Variants in EIF3M observed in about 807,000 individuals in gnomAD.
EIF3M encodes the protein eukaryotic translation initiation factor 3 subunit M.
EIF3M carries 25 observed loss-of-function variants against 49.7 expected under a neutral mutation model. That is an observed-to-expected ratio of 0.50 (90% CI 0.37 to 0.70). The LOEUF (loss-of-function observed/expected upper bound fraction) is 0.70, where lower values mean the gene tolerates loss of function less well. EIF3M is among the 30% of genes least tolerant of loss of function. The pLI is 0.00. For synonymous variants in EIF3M, 156 were observed against 149.8 expected, an observed-to-expected ratio of 1.04 and a Z score of -0.30; for missense variants, 350 against 440.0, an observed-to-expected ratio of 0.80 and a Z score of 1.83.
At chr11:32,598,728 T>C (rs1855215849) in intron 8 of EIF3M, among the ~76,000 whole-genome samples, 1 of 152,058 alleles carries the variant, frequency 6.6e-6, no homozygotes, top group Non-Finnish European at 1.5e-5. Context: ...AGCAGTAAAA[T>C]AGATTTAATT....
chr11:32,595,709 A>G (rs1321140923), intron 7 of EIF3M, among the ~76,000 whole-genome samples: 1 of 152,230 alleles, frequency 6.6e-6, no homozygotes, highest in Non-Finnish European at 1.5e-5. Flanking sequence ...ACTGTTGTGC[A>G]TCTGGACTAT....
Position 32,602,352 on chromosome 11 carries a change from A to C in EIF3M, c.1078A>C (p.Asn360His). 6.2e-7 allele frequency: 1 copy of C among 1,612,726 alleles called. No individual in the cohort carries two copies. The highest frequency in any genetic ancestry group is 1.1e-5 in the South Asian group (1 of 90,926). The change falls in exon 11 of 11, where the codon AAT (asparagine) becomes CAT (histidine). Residue 360 changes from asparagine to histidine, a missense_variant. Asn to His is a moderately conservative substitution (Grantham distance 68, BLOSUM62 1). Transcript: ENST00000531120. The stretch of plus-strand genomic sequence containing the variant: ...TGACACACTTAATGCCTGGAAACAA[A>C]ATCTGAACAAAGTGAAAAACAGCCT... ...LYDTLNAWKQ[N>H]LNKVKNSLLS...
At position 32,583,916 on chromosome 11, in the gene EIF3M, G is replaced by C; in HGVS notation, c.29G>C (p.Ser10Thr). 1.2e-6 allele frequency: 2 copies of C among 1,613,904 alleles called. No individual in the cohort carries two copies. The highest frequency in any genetic ancestry group is 1.7e-6 in the Non-Finnish European group (2 of 1,179,860). ...AGCGTCCCGGCCTTCATCGACATCA[G>C]TGAAGAAGATCAGGTGTGCTTCGGT... MSVPAFIDISEEDQAAELRA... is the reference protein window; with the variant it reads MSVPAFIDITEEDQAAELRA... The change falls in exon 1 of 11, where the codon AGT (serine) becomes ACT (threonine). Residue 10 changes from serine to threonine, a missense_variant. Ser to Thr is a moderately conservative substitution (Grantham distance 58, BLOSUM62 1). Transcript: ENST00000531120.
Position 32,602,828 on chromosome 11 carries a change from T to C in EIF3M, c.*429T>C. ...TATCTACATTATTTTAATCTGTTGTTTTTTTCCAACGTCTCTTCTGCTTTT... is the reference window on the plus strand; with the variant it reads ...TATCTACATTATTTTAATCTGTTGTCTTTTTCCAACGTCTCTTCTGCTTTT... On this transcript the variant is annotated 3_prime_UTR_variant, in exon 11 of 11. Coordinates refer to ENST00000531120, the MANE Select transcript of EIF3M (RefSeq NM_006360.6). 6.3e-7 allele frequency: 1 copy of C among 1,596,730 alleles called. No individual in the cohort carries two copies. The highest frequency in any genetic ancestry group is 8.5e-7 in the Non-Finnish European group (1 of 1,171,942).
chr11:32,591,190 A>G (rs1252818530), intron 5 of EIF3M, among the ~76,000 whole-genome samples: 1 of 152,192 alleles, frequency 6.6e-6, no homozygotes, highest in Non-Finnish European at 1.5e-5. Flanking sequence ...CTAAGCCCTT[A>G]CATGTCAGAC....
chr11:32,596,184 A>C, intron 8 of EIF3M, 137 bp downstream of exon 8: 1 of 592,440 alleles, frequency 1.7e-6, no homozygotes, highest in Non-Finnish European at 2.8e-6. Flanking sequence ...ATGATAGAAC[A>C]GCACAAAAAT....
chr11:32,599,338 A>C (rs1590528479), intron 8 of EIF3M, among the ~76,000 whole-genome samples: 3 of 152,104 alleles, frequency 2.0e-5, no homozygotes, highest in African/African-American at 7.2e-5. Context: ...CCCAGTTAGC[A>C]ATACTTCCTT....
intron 5 of EIF3M, chr11:32,591,978 C>T (rs1855109547): frequency 7.6e-6 from 2 of 263,340 alleles, no homozygotes; most frequent in South Asian, 4.7e-5. Context: ...ACCATCATAT[C>T]CTCCACTGCT....
At chr11:32,591,023 G>A (rs1291746395) in intron 5 of EIF3M, among the ~76,000 whole-genome samples, 1 of 152,068 alleles carries the variant, frequency 6.6e-6, no homozygotes, top group Non-Finnish European at 1.5e-5. Flanking sequence ...CTAATTTTTT[G>A]TATTTTTAGT....
chr11:32,599,340 T>C (rs537058058), intron 8 of EIF3M, among the ~76,000 whole-genome samples: 1 of 152,156 alleles, frequency 6.6e-6, no homozygotes, highest in South Asian at 2.1e-4. Context: ...CAGTTAGCAA[T>C]ACTTCCTTGT....
At chr11:32,586,098 G>T (rs776370422) in intron 1 of EIF3M, among the ~76,000 whole-genome samples, 19 of 152,106 alleles carry the variant, frequency 1.2e-4, no homozygotes, top group African/African-American at 4.6e-4. Flanking sequence ...GCATGGTGGC[G>T]CATGCCTGTA....
rs1366798086 is a variant in EIF3M, at chr11:32,601,745, A to G, written c.944-17A>G. The stretch of plus-strand genomic sequence containing the variant: ...AAATTTTCCATATAACATACGATAT[A>G]AAACATCTTTTTTCAGCCGTAAGAA... On this transcript the variant is annotated splice_polypyrimidine_tract_variant and intron_variant, in intron 9 of 10. Transcript: ENST00000531120. 1 of 1,610,586 alleles carries G rather than the reference A, an allele frequency of 6.2e-7. No homozygotes were observed. The highest frequency in any genetic ancestry group is 2.2e-5 in the East Asian group (1 of 44,712).
At chr11:32,584,298 T>C (rs937708678) in intron 1 of EIF3M, 5 of 233,976 alleles carry the variant, frequency 2.1e-5, no homozygotes, top group African/African-American at 1.2e-4. Flanking sequence ...TAGGGAAAAG[T>C]AATTTTGTGC....
chr11:32,586,177 C>T (rs948256892), intron 1 of EIF3M, among the ~76,000 whole-genome samples: 1 of 152,166 alleles, frequency 6.6e-6, no homozygotes. Flanking sequence ...TGCAGTGAGC[C>T]GGGATCGCTC....
rs1855044142 is a variant in EIF3M at position 32,588,709 on chromosome 11, A to C, written c.291A>C (p.Glu97Asp). The change falls in exon 3 of 11, where the codon GAA becomes GAC. Residue 97 changes from glutamate (E) to aspartate (D), a missense_variant. Transcript: ENST00000531120. ...CEKLVKFREG[E>D]RPSLRLQLLS... ...AGCTGGTCAAATTTCGCGAAGGTGA[A>C]CGCCCGTCTCTGAGACTGCAGTTGT... The C allele has an allele frequency of 1.2e-6, 2 of 1,614,090 alleles. No homozygotes were observed.
At chr11:32,584,626 AAAG>A (rs1413949637) in intron 1 of EIF3M, among the ~76,000 whole-genome samples, 28 of 150,704 alleles carry the variant, frequency 1.9e-4, no homozygotes, top group African/African-American at 6.9e-4. Context: ...AAAAAAAAAA[AAAG>A]ATCAAAACGC....
chr11:32,583,915 A>G lies in EIF3M; in HGVS notation c.28A>G (p.Ser10Gly). The change falls in exon 1 of 11, where the codon AGT (serine) becomes GGT (glycine). Residue 10 changes from serine (S) to glycine (G), a missense_variant. Ser to Gly is a moderately conservative substitution (Grantham distance 56). Transcript: ENST00000531120. MSVPAFIDISEEDQAAELRA... is the reference protein window; with the variant it reads MSVPAFIDIGEEDQAAELRA... ...GAGCGTCCCGGCCTTCATCGACATC[A>G]GTGAAGAAGATCAGGTGTGCTTCGG... 1.9e-6 allele frequency: 3 copies of G among 1,613,854 alleles called. No homozygotes were observed. Among genetic ancestry groups the G allele is most frequent in the Non-Finnish European group, 2.5e-6 (3 of 1,179,856 alleles).
chr11:32,594,212 G>C lies in EIF3M; in HGVS notation c.617+263G>C, dbSNP rs183729212. On this transcript the variant is annotated intron_variant, in intron 6 of 10. Transcript: ENST00000531120. ...TATGGGGATGATGATCCCAACCCAAGAATTAGAACCTAATCTTGGGCCAAT... is the reference window on the plus strand; with the variant it reads ...TATGGGGATGATGATCCCAACCCAACAATTAGAACCTAATCTTGGGCCAAT... 2.7e-5 allele frequency: 8 copies of C among 295,882 alleles called. No homozygotes were observed. In the East Asian group the frequency reaches 4.4e-4, roughly 16 times the overall value. The allele number at this position is 295,882 out of a possible 1,614,324, so 18.3% of individuals were successfully genotyped here. A position where few individuals can be genotyped will look rare whatever the true frequency, so the allele number is the denominator to read the frequency against.
At chr11:32,600,242 C>A (rs1030810824) in intron 8 of EIF3M, among the ~76,000 whole-genome samples, 29 of 151,654 alleles carry the variant, frequency 1.9e-4, no homozygotes, top group African/African-American at 6.5e-4. Context: ...AATAGTAACA[C>A]AGAAAAAACT....
Sources: allele counts gnomAD v4.1 joint callset (sites outside exome capture counted in the v4.1 genomes callset), GRCh38; gene constraint gnomAD v4.1.1; transcripts MANE v1.5; gene names NCBI Gene and HGNC (gene_info 2026-07-23, HGNC 2026-07-21).